The following RNPEPL1 variants were observed in gnomAD, a reference collection of about 807,000 sequenced individuals.
RNPEPL1 encodes arginyl aminopeptidase like 1, also known as aminopeptidase RNPEPL1.
In RNPEPL1, 46 loss-of-function variants were observed where a neutral mutation model predicts 69.0. The observed-to-expected ratio is 0.67, with a 90% CI of 0.53 to 0.85. RNPEPL1 has a LOEUF of 0.85. Ranked by LOEUF, RNPEPL1 falls within the 40% of genes least tolerant of loss-of-function variation. The pLI, the probability that RNPEPL1 is intolerant of heterozygous loss-of-function variation, is 0.00. For synonymous variants in RNPEPL1, 525 were observed against 454.1 expected (o/e 1.16, Z -1.98); for missense variants, 869 against 992.5 (o/e 0.88, Z 1.67).
chr2:240,575,260 TG>T (rs1258169646), intron 7 of RNPEPL1, 118 bp downstream of exon 7: 1 of 859,780 alleles, frequency 1.2e-6, no homozygotes, highest in South Asian at 1.4e-5. Flanking sequence ...CCTGTGAGCC[TG>T]GCTGGGACCT....
At position 240,573,654 on chromosome 2, in the gene RNPEPL1, G is replaced by A. The variant is rs535605736; in HGVS notation, c.822-121G>A. 5.7e-4 allele frequency: 465 copies of A among 822,204 alleles called. 3 individuals carry two copies. In the African/African-American group the frequency reaches 7.1e-3, roughly 13 times the overall value. 50.9% of individuals were successfully genotyped at this position (822,204 alleles called of 1,614,324 possible). On this transcript the variant is annotated intron_variant, in intron 3 of 10. Coordinates refer to ENST00000270357, the MANE Select transcript of RNPEPL1 (RefSeq NM_018226.6). ...GAGGCAGGGCGGGCTGTAGGCTGGG[G>A]TGGTCAGCCAGGCTGGGTGAGGTGT...
chr2:240,574,431 C>A, intron 5 of RNPEPL1, 83 bp downstream of exon 5: 2 of 1,544,074 alleles, frequency 1.3e-6, no homozygotes, highest in South Asian at 1.1e-5. Flanking sequence ...GCCCCCCTGC[C>A]ATGCTGCAGG....
intron 1 of RNPEPL1, among the ~76,000 whole-genome samples, chr2:240,571,946 G>C (rs952156888): frequency 6.6e-6 from 1 of 152,132 alleles, no homozygotes; most frequent in African/African-American, 2.4e-5. Flanking sequence ...CGGGCGTGCT[G>C]CCTGCTAGTG....
In RNPEPL1 at chr2:240,577,965, C is replaced by CA; in HGVS notation, c.*73_*74insA. The CA allele has an allele frequency of 7.3e-7, 1 of 1,375,374 alleles. No homozygotes were observed. The highest frequency in any genetic ancestry group is 9.6e-7 in the Non-Finnish European group (1 of 1,044,610). 85.2% of individuals were successfully genotyped at this position (1,375,374 alleles called of 1,614,324 possible). ...CTTCTGTGGGCCAGGCCTGCCATGA[C>CA]TGCGTCTCGGCTCTGGCCATGAGCT... is the stretch of plus-strand genomic sequence containing the variant. On this transcript the variant is annotated 3_prime_UTR_variant, in exon 11 of 11. Transcript: ENST00000270357.
rs34344571 is a variant in RNPEPL1, at chr2:240,576,677, G to A, written c.1653G>A (p.Ser551=). 1.7e-4 allele frequency: 275 copies of A among 1,612,996 alleles called. 2 individuals are homozygous for A. The highest frequency in any genetic ancestry group is 1.6e-3 in the Admixed American group (97 of 60,030). ...AACCTCTGGACCAGGCAGCTGCCTC[G>A]GCCAGCGCCATTGACATCTCCAAGT... ...TAEPLDQAAA[S]ASAIDISKWR... The change falls in exon 9 of 11, where the codon TCG becomes TCA. Residue 551 remains serine (S), a synonymous_variant. Coordinates refer to ENST00000270357, the MANE Select transcript of RNPEPL1 (RefSeq NM_018226.6).
At position 240,576,998 on chromosome 2, in the gene RNPEPL1, C is replaced by A; in HGVS notation, c.1884+8C>A. The A allele has an allele frequency of 6.2e-7, 1 of 1,612,606 alleles. No homozygotes were observed. The highest frequency in any genetic ancestry group is 1.1e-5 in the South Asian group (1 of 90,968). ...CGCTTCCTGGAGAGCCAGGTGCGGT[C>A]ACCTGCCCAGGGGGCCAGCCTGGAA... On this transcript the variant is annotated splice_region_variant and intron_variant, in intron 10 of 10. Coordinates refer to ENST00000270357, the MANE Select transcript of RNPEPL1 (RefSeq NM_018226.6).
intron 1 of RNPEPL1, among the ~76,000 whole-genome samples, chr2:240,570,556 C>T (rs1054416273): frequency 6.6e-6 from 1 of 152,210 alleles, no homozygotes; most frequent in East Asian, 1.9e-4. Flanking sequence ...AGGCCCAAAT[C>T]CCTAAGCCTG....
At position 240,577,676 on chromosome 2, in the gene RNPEPL1, C is replaced by T; in HGVS notation, c.1962C>T (p.Phe654=). Reference sequence around the variant, plus strand: ...TCAAGTCCTTCGCGCTGGAGGTCTTCTACCAGACGCAGGGCCGGCTGCACC... The same window carrying T: ...TCAAGTCCTTCGCGCTGGAGGTCTTTTACCAGACGCAGGGCCGGCTGCACC... ...GALKSFALEV[F]YQTQGRLHPN... is the part of the protein sequence containing the mutation. Residue 654 remains phenylalanine, a synonymous_variant, in exon 11 of 11, where the codon TTC becomes TTT. Coordinates refer to ENST00000270357, the MANE Select transcript of RNPEPL1 (RefSeq NM_018226.6). 1 of 1,612,828 alleles carries T rather than the reference C, an allele frequency of 6.2e-7. No individual in the cohort carries two copies. The highest frequency in any genetic ancestry group is 1.1e-5 in the South Asian group (1 of 91,054).
At chr2:240,575,650 G>A in intron 8 of RNPEPL1, 40 bp downstream of exon 8, 1 of 1,550,666 alleles carries the variant, frequency 6.4e-7, no homozygotes, top group South Asian at 1.1e-5. Context: ...GGAGCCGTGG[G>A]TATGATGGCA....
At position 240,575,128 on chromosome 2, in the gene RNPEPL1, G is replaced by A. The variant is rs760976014; in HGVS notation, c.1387G>A (p.Asp463Asn). Residue 463 changes from aspartate to asparagine, a missense_variant, in exon 7 of 11, where the codon GAT becomes AAT. Around this residue, in one of 2 missense-constraint regions of RNPEPL1, gnomAD observed 610 missense variants for 790.9 expected, o/e 0.77. Transcript: ENST00000270357. ...SQLCGDPQRF[D>N]DFLRAYVEKY... The stretch of plus-strand genomic sequence containing the variant: ...GCTCTGCGGAGACCCACAGCGCTTT[G>A]ATGACTTTCTCCGAGTGAGCAGCCC... 6.2e-7 allele frequency: 1 copy of A among 1,613,414 alleles called. No homozygotes were observed.
In RNPEPL1 at chr2:240,576,688, T is replaced by C. The variant is rs1409231976; in HGVS notation, c.1664T>C (p.Ile555Thr). The change falls in exon 9 of 11, where the codon ATT becomes ACT. Residue 555 changes from isoleucine to threonine, a missense_variant. Ile to Thr is a moderately conservative substitution (Grantham distance 89). Transcript: ENST00000270357. ...CAGGCAGCTGCCTCGGCCAGCGCCA[T>C]TGACATCTCCAAGTGGAGGACCTTC... ...LDQAAASASA[I>T]DISKWRTFQT... 16 of 1,612,980 alleles carry C rather than the reference T, an allele frequency of 9.9e-6. No homozygotes were observed. In the East Asian group the frequency reaches 2.0e-4, roughly 20 times the overall value.
At chr2:240,576,241 A>C in intron 8 of RNPEPL1, 1 of 484,808 alleles carries the variant, frequency 2.1e-6, no homozygotes, top group East Asian at 3.5e-5. Context: ...ACCAGCACTG[A>C]GGTTGGGTTT....
chr2:240,575,399 G>GC, intron 7 of RNPEPL1, 103 bp from the exon 8 acceptor site: 2 of 1,017,042 alleles, frequency 2.0e-6, no homozygotes, highest in Non-Finnish European at 3.0e-6. Flanking sequence ...CCTGTGCCCA[G>GC]CACGTACCTT....
rs762910166 is a variant in RNPEPL1 at position 240,568,908 on chromosome 2, G to C, written c.322G>C (p.Ala108Pro). 5.5e-6 allele frequency: 7 copies of C among 1,271,582 alleles called. No homozygotes were observed. Among genetic ancestry groups the C allele is most frequent in the Non-Finnish European group, 6.9e-6 (7 of 1,014,942 alleles). 78.8% of individuals were successfully genotyped at this position (1,271,582 alleles called of 1,614,324 possible). ...GACGCCCTGCGCCTTCGCCTTCTCC[G>C]CCCCCGGGCCGGGGCCCGCGCCGCC... ...AETPCAFAFS[A>P]PGPGPAPPPP... The change falls in exon 1 of 11, where the codon GCC becomes CCC. Residue 108 changes from alanine to proline, a missense_variant. Coordinates refer to ENST00000270357, the MANE Select transcript of RNPEPL1 (RefSeq NM_018226.6). This position sits in a 1 kb window ranked among gnomAD's most constrained non-coding sequence, Gnocchi z 6.2.
At chr2:240,574,083 T>TCTGCCACC in intron 4 of RNPEPL1, 30 bp from the exon 5 acceptor site, 2 of 1,591,234 alleles carry the variant, frequency 1.3e-6, no homozygotes, top group Non-Finnish European at 1.7e-6. Context: ...AGCCCCGAGG[T>TCTGCCACC]CTGCCACCCT....
intron 6 of RNPEPL1, 84 bp downstream of exon 6, chr2:240,574,712 G>A (rs1237704055): frequency 1.7e-6 from 2 of 1,210,492 alleles, no homozygotes; most frequent in Non-Finnish European, 2.4e-6. Context: ...TGTTCTGGCT[G>A]TGGCTTCTCT....
In RNPEPL1 at chr2:240,578,717, C is replaced by T. The variant is rs931753258; in HGVS notation, c.*825C>T. 6.6e-5 allele frequency: 10 copies of T among 152,496 alleles called. No individual in the cohort carries two copies. Among genetic ancestry groups the T allele is most frequent in the African/African-American group, 2.2e-4 (9 of 41,448 alleles). The allele number at this position is 152,496 out of a possible 1,614,324, so 9.4% of individuals were successfully genotyped here. ...CACGGTGATGGTCCCATTAAACTTC[C>T]ACTCTGCAAACCTGATCTCCTGCGC... is the stretch of plus-strand genomic sequence containing the variant. On this transcript the variant is annotated 3_prime_UTR_variant, in exon 11 of 11. Transcript: ENST00000270357.
intron 1 of RNPEPL1, chr2:240,569,316 C>T (rs1296537997): frequency 1.8e-6 from 1 of 552,914 alleles, no homozygotes; most frequent in Admixed American, 4.4e-5. Flanking sequence ...CACGGGACAG[C>T]ATGTCACTCC....
intron 1 of RNPEPL1, among the ~76,000 whole-genome samples, chr2:240,572,195 C>T (rs892339260): frequency 1.3e-5 from 2 of 152,242 alleles, no homozygotes; most frequent in Middle Eastern, 3.2e-3. Context: ...GGGGTCTGGC[C>T]CTGATGACAC....
Sources: gnomAD v4.1 joint callset for allele counts (sites outside exome capture counted in the v4.1 genomes callset) on GRCh38, gnomAD v4.1.1 for gene constraint, gnomAD v4.1.1 regional missense constraint, Gnocchi (gnomAD v3.1) non-coding constraint, MANE v1.5 for transcripts, NCBI Gene and HGNC (gene_info 2026-07-23, HGNC 2026-07-21) for gene names.